CACNB2: variants seen among roughly 807,000 people sequenced by gnomAD.
CACNB2 encodes voltage-dependent L-type calcium channel subunit beta-2.
Under a neutral mutation model 73.3 loss-of-function variants are expected in CACNB2, and 42 were observed. The observed-to-expected ratio is 0.57, with a 90% CI of 0.45 to 0.74. The LOEUF (loss-of-function observed/expected upper bound fraction) is 0.74. Ranked by LOEUF, CACNB2 falls within the 30% of genes least tolerant of loss-of-function variation. The probability of loss-of-function intolerance (pLI) is 0.00; values close to 1 mark genes in which losing one functional copy is unlikely to be tolerated. For synonymous variants in CACNB2, 348 were observed against 310.3 expected (o/e 1.12, Z -1.28); for missense variants, 940 against 853.0 (o/e 1.10, Z -1.27).
intron 2 of CACNB2, among the ~76,000 whole-genome samples, chr10:18,253,578 T>C (rs2037170877): frequency 6.6e-6 from 1 of 152,166 alleles, no homozygotes; most frequent in African/African-American, 2.4e-5. Context: ...AAAGCTACCA[T>C]TTTCTTTCTT....
intron 2 of CACNB2, among the ~76,000 whole-genome samples, chr10:18,199,247 A>G (rs1324210964): frequency 2.0e-5 from 3 of 152,242 alleles, no homozygotes; most frequent in East Asian, 3.8e-4. Flanking sequence ...AGAAATTGCA[A>G]CAAAGAATAT....
rs141168355 is a variant in CACNB2 at position 18,368,011 on chromosome 10, G to A, written c.214-33913G>A. ...AAAACGAAATTCCCTTTTTAGGTGC[G>A]TTTGGGGGTACAGTAGAATGAGATT... On this transcript the variant is annotated intron_variant, in intron 2 of 13. Coordinates refer to ENST00000324631, the MANE Select transcript of CACNB2 (RefSeq NM_201596.3). Among the ~76,000 whole-genome samples the A allele has an allele frequency of 1.7e-3, 256 of 152,248 alleles. 8 individuals are homozygous for A. The East Asian group carries it at 0.041, about 25-fold the overall frequency.
At chr10:18,361,785 G>T (rs879620794) in intron 2 of CACNB2, among the ~76,000 whole-genome samples, 8 of 151,822 alleles carry the variant, frequency 5.3e-5, no homozygotes, top group African/African-American at 1.9e-4. Flanking sequence ...GCAAATTTTT[G>T]TATTTTTAGT....
chr10:18,215,947 T>C (rs112490284), intron 2 of CACNB2, among the ~76,000 whole-genome samples: 1 of 152,094 alleles, frequency 6.6e-6, no homozygotes, highest in Non-Finnish European at 1.5e-5. Flanking sequence ...TATGTAGACT[T>C]TTAGAATCCT....
intron 2 of CACNB2, among the ~76,000 whole-genome samples, chr10:18,259,400 C>G (rs1222923035): frequency 1.3e-5 from 2 of 151,538 alleles, no homozygotes; most frequent in Admixed American, 1.3e-4. Flanking sequence ...ACCCCTGTCT[C>G]TATAAAAAAA....
chr10:18,457,448 C>T (rs889974466), intron 3 of CACNB2, among the ~76,000 whole-genome samples: 2 of 152,152 alleles, frequency 1.3e-5, no homozygotes, highest in Non-Finnish European at 2.9e-5. Flanking sequence ...AATGCTATCA[C>T]CTTAGACTGT....
At chr10:18,205,384 T>G (rs1206899684) in intron 2 of CACNB2, among the ~76,000 whole-genome samples, 1 of 152,240 alleles carries the variant, frequency 6.6e-6, no homozygotes, top group Non-Finnish European at 1.5e-5. Context: ...CGAGCACTCG[T>G]AAATGGTAGC....
At chr10:18,156,872 T>C (rs1289412988) in intron 2 of CACNB2, among the ~76,000 whole-genome samples, 1 of 119,334 alleles carries the variant, frequency 8.4e-6, no homozygotes, top group African/African-American at 3.4e-5. Context: ...CTACTAAAAG[T>C]AGAAAAAAAA....
At position 18,518,333 on chromosome 10, in the gene CACNB2, C is replaced by T. The variant is rs764050459; in HGVS notation, c.805-3C>T. The T allele has an allele frequency of 8.5e-5, 137 of 1,608,518 alleles. No homozygotes were observed. The Admixed American group carries it at 1.9e-3, about 22-fold the overall frequency. On this transcript the variant is annotated splice_polypyrimidine_tract_variant and splice_region_variant and intron_variant, in intron 7 of 13. Coordinates refer to ENST00000324631, the MANE Select transcript of CACNB2 (RefSeq NM_201596.3). ...CGTCTAAAAGCCTCTCCTCTCTCTGCAGACAGAGCACACTCCTCCGTATGA... is the reference window on the plus strand; with the variant it reads ...CGTCTAAAAGCCTCTCCTCTCTCTGTAGACAGAGCACACTCCTCCGTATGA...
chr10:18,140,710 G>A lies in CACNB2; in HGVS notation c.-27G>A. 4 of 1,578,110 alleles carry A rather than the reference G, an allele frequency of 2.5e-6. No individual in the cohort carries two copies. The highest frequency in any genetic ancestry group is 3.4e-6 in the Non-Finnish European group (4 of 1,161,798). On this transcript the variant is annotated 5_prime_UTR_variant, in exon 1 of 14. Transcript: ENST00000324631. ...GGGGACCCGCCGCCGGGGGCTGGCT[G>A]CTTCGCTCCGAGCCGACTTTTCGCC... is the stretch of plus-strand genomic sequence containing the variant.
At chr10:18,470,451 T>C (rs1045642604) in intron 3 of CACNB2, among the ~76,000 whole-genome samples, 5 of 150,526 alleles carry the variant, frequency 3.3e-5, no homozygotes, top group Admixed American at 1.3e-4. Flanking sequence ...GTATATATTA[T>C]ATAGAGACTG....
intron 3 of CACNB2, among the ~76,000 whole-genome samples, chr10:18,441,797 A>G (rs1221586004): frequency 6.6e-6 from 1 of 151,866 alleles, no homozygotes; most frequent in Non-Finnish European, 1.5e-5. Context: ...ACCACACCCA[A>G]ATAATTTTTA....
intron 2 of CACNB2, among the ~76,000 whole-genome samples, chr10:18,323,393 T>A (rs187237089): frequency 6.6e-6 from 1 of 152,244 alleles, no homozygotes; most frequent in Non-Finnish European, 1.5e-5. Context: ...GGCTTGGTTT[T>A]TTTTTACTGA....
At chr10:18,270,727 C>G (rs1226785734) in intron 2 of CACNB2, among the ~76,000 whole-genome samples, 1 of 152,048 alleles carries the variant, frequency 6.6e-6, no homozygotes, top group African/African-American at 2.4e-5. Context: ...GTTAGGTATC[C>G]TTGCTTTTCC....
chr10:18,337,094 CT>C (rs1337264824), intron 2 of CACNB2, among the ~76,000 whole-genome samples: 3 of 151,814 alleles, frequency 2.0e-5, no homozygotes, highest in Admixed American at 6.6e-5. Flanking sequence ...TTTTCTTTTG[CT>C]TTTTGCTTTT....
At chr10:18,289,297 G>GTTTTT (rs764040568) in intron 2 of CACNB2, among the ~76,000 whole-genome samples, 3 of 56,714 alleles carry the variant, frequency 5.3e-5, no homozygotes, top group Non-Finnish European at 6.9e-5. Context: ...TTTTTGTTTT[G>GTTTTT]TTTTTTTTTT....
chr10:18,434,039 T>G (rs2046015174), intron 3 of CACNB2, among the ~76,000 whole-genome samples: 1 of 152,128 alleles, frequency 6.6e-6, no homozygotes, highest in Admixed American at 6.6e-5. Context: ...ATTTTGAGCT[T>G]TCTCTGAAAA....
At chr10:18,332,037 G>C (rs2040826948) in intron 2 of CACNB2, among the ~76,000 whole-genome samples, 1 of 152,182 alleles carries the variant, frequency 6.6e-6, no homozygotes, top group Non-Finnish European at 1.5e-5. Flanking sequence ...GCAGTGTGGG[G>C]ATGAAGGGGC....
At chr10:18,469,223 G>A (rs1040885847) in intron 3 of CACNB2, among the ~76,000 whole-genome samples, 1 of 152,130 alleles carries the variant, frequency 6.6e-6, no homozygotes, top group South Asian at 2.1e-4. Flanking sequence ...CTGGGTGACA[G>A]AGGGAGACCC....
Sources: allele counts gnomAD v4.1 joint callset (sites outside exome capture counted in the v4.1 genomes callset), GRCh38; gene constraint gnomAD v4.1.1; transcripts MANE v1.5; gene names NCBI Gene and HGNC (gene_info 2026-07-23, HGNC 2026-07-21).